Variants in DOCK1 observed in about 807,000 individuals in gnomAD.
The protein encoded by DOCK1 is dedicator of cytokinesis protein 1.
A neutral mutation model predicts 262.7 loss-of-function variants in DOCK1; 138 were observed. The ratio of observed to expected loss-of-function variants is 0.53; its 90% CI spans 0.46 to 0.61. The LOEUF (loss-of-function observed/expected upper bound fraction) is 0.61, where lower values mean the gene tolerates loss of function less well. Ranked by LOEUF, DOCK1 falls within the 20% of genes least tolerant of loss-of-function variation. The probability of loss-of-function intolerance (pLI) is 0.00; values close to 1 mark genes in which losing one functional copy is unlikely to be tolerated. For missense variants in DOCK1, 1,908 were observed against 2,370.7 expected, an observed-to-expected ratio of 0.80 and a Z score of 4.05; for synonymous variants, 866 against 867.4, an observed-to-expected ratio of 1.00 and a Z score of 0.03.
At chr10:126,952,490 A>G (rs945202728) in intron 1 of DOCK1, among the ~76,000 whole-genome samples, 20 of 135,266 alleles carry the variant, frequency 1.5e-4, no homozygotes, top group Non-Finnish European at 6.3e-5. Flanking sequence ...ATTGTTGGTG[A>G]TGTATTATTG....
chr10:127,268,503 CAAAAAA>C (rs56689236), intron 29 of DOCK1, among the ~76,000 whole-genome samples: 22 of 70,154 alleles, frequency 3.1e-4, no homozygotes, highest in East Asian at 2.2e-3. Flanking sequence ...GACTCCACCT[CAAAAAA>C]AAAAAAAAAA....
At chr10:127,021,060 CT>C (rs1188164038) in intron 13 of DOCK1, among the ~76,000 whole-genome samples, 1 of 152,156 alleles carries the variant, frequency 6.6e-6, no homozygotes, top group Non-Finnish European at 1.5e-5. Flanking sequence ...GTTCTGTAAC[CT>C]GGGGAGGCAT....
At chr10:127,253,597 G>A (rs559754632) in intron 28 of DOCK1, among the ~76,000 whole-genome samples, 2 of 152,296 alleles carry the variant, frequency 1.3e-5, no homozygotes, top group Admixed American at 6.5e-5. Context: ...AATGGAGCCA[G>A]GCTCAGTGGC....
intron 29 of DOCK1, among the ~76,000 whole-genome samples, chr10:127,261,266 TGTGTGTGTGCCTGC>T (rs2060085141): frequency 7.2e-6 from 1 of 139,248 alleles, no homozygotes; most frequent in African/African-American, 2.8e-5. Flanking sequence ...CATGTGGGTG[TGTGTGTGTGCCTGC>T]ATGTGTGTGC....
chr10:127,385,718 C>G (rs934473162), intron 38 of DOCK1, among the ~76,000 whole-genome samples: 1 of 152,220 alleles, frequency 6.6e-6, no homozygotes. Context: ...TGGCCGCCCC[C>G]TCTGAAGGCT....
intron 29 of DOCK1, among the ~76,000 whole-genome samples, chr10:127,292,032 A>G (rs2061361653): frequency 6.6e-6 from 1 of 152,110 alleles, no homozygotes; most frequent in Admixed American, 6.6e-5. Flanking sequence ...CGATCCTTGG[A>G]AAGTCTGTGT....
At chr10:127,346,965 G>GCC (rs1217208396) in intron 31 of DOCK1, among the ~76,000 whole-genome samples, 1 of 152,196 alleles carries the variant, frequency 6.6e-6, no homozygotes, top group East Asian at 1.9e-4. Context: ...CCAGGACAAA[G>GCC]CCCCCGGAGC....
intron 1 of DOCK1, among the ~76,000 whole-genome samples, chr10:126,912,120 C>A (rs2134020205): frequency 6.6e-6 from 1 of 152,268 alleles, no homozygotes; most frequent in South Asian, 2.1e-4. Context: ...TCAGTGTCCT[C>A]ATTTCCTCTT....
At chr10:126,989,632 A>C (rs2039657298) in intron 5 of DOCK1, among the ~76,000 whole-genome samples, 2 of 152,220 alleles carry the variant, frequency 1.3e-5, no homozygotes, top group Admixed American at 6.5e-5. Context: ...CAGCATGCTT[A>C]GAGTTTTATC....
chr10:127,257,489 A>G (rs1590153010), intron 29 of DOCK1, 60 bp downstream of exon 29: 2 of 1,479,926 alleles, frequency 1.4e-6, no homozygotes, highest in Non-Finnish European at 1.8e-6. Flanking sequence ...GTCTGCTGGG[A>G]ACAGTGGTGT....
intron 12 of DOCK1, chr10:127,016,529 G>A (rs1353302451): frequency 1.3e-5 from 2 of 152,394 alleles, no homozygotes; most frequent in African/African-American, 2.4e-5. Flanking sequence ...CAGGCTGCTG[G>A]AGAACAGGCC....
At chr10:127,119,872 A>C (rs745895762) in intron 25 of DOCK1, among the ~76,000 whole-genome samples, 52 of 152,364 alleles carry the variant, frequency 3.4e-4, no homozygotes, top group Non-Finnish European at 6.9e-4. Flanking sequence ...CTGCTTGGGC[A>C]TTTATAAGCT....
intron 18 of DOCK1, among the ~76,000 whole-genome samples, chr10:127,033,557 A>C (rs2043387763): frequency 6.6e-6 from 1 of 152,194 alleles, no homozygotes; most frequent in Admixed American, 6.5e-5. Flanking sequence ...CAGAGCTTGA[A>C]AATCCAATTT....
At chr10:127,408,527 C>T (rs1590932251) in intron 40 of DOCK1, among the ~76,000 whole-genome samples, 1 of 152,338 alleles carries the variant, frequency 6.6e-6, no homozygotes, top group Non-Finnish European at 1.5e-5. Flanking sequence ...GGAGTCAGCG[C>T]CCGGCGGCCG....
In DOCK1 at chr10:127,175,012, A is replaced by G. The variant is rs2054947883; in HGVS notation, c.2847+47248A>G. On this transcript the variant is annotated intron_variant, in intron 27 of 51. Transcript: ENST00000623213. The surrounding 1 kb of genome is among the most constrained non-coding windows in gnomAD (Gnocchi z 6.3). Reference sequence around the variant, plus strand: ...GCCAGAAAGATGAACATTAACCAGAAAGCGTATCGTGCAGGATGCAGTGAC... The same window carrying G: ...GCCAGAAAGATGAACATTAACCAGAGAGCGTATCGTGCAGGATGCAGTGAC... Among the ~76,000 whole-genome samples, 1 of 152,200 alleles carries G rather than the reference A, an allele frequency of 6.6e-6. No individual in the cohort carries two copies. Among genetic ancestry groups the G allele is most frequent in the African/African-American group, 2.4e-5 (1 of 41,446 alleles).
At chr10:127,240,992 A>G (rs975120507) in intron 27 of DOCK1, among the ~76,000 whole-genome samples, 1 of 152,202 alleles carries the variant, frequency 6.6e-6, no homozygotes, top group South Asian at 2.1e-4. Flanking sequence ...AGATATGATG[A>G]TCATGAATAT....
intron 2 of DOCK1, among the ~76,000 whole-genome samples, chr10:126,974,282 C>G (rs1220793589): frequency 6.6e-6 from 1 of 152,204 alleles, no homozygotes; most frequent in Non-Finnish European, 1.5e-5. Flanking sequence ...CAGAGGCAAG[C>G]TGCAGGCATT....
At chr10:127,216,430 T>A (rs2134390131) in intron 27 of DOCK1, among the ~76,000 whole-genome samples, 1 of 152,276 alleles carries the variant, frequency 6.6e-6, no homozygotes, top group Non-Finnish European at 1.5e-5. Context: ...TGCCAGCTAT[T>A]GCTGGGAAGA....
intron 12 of DOCK1, among the ~76,000 whole-genome samples, chr10:127,018,359 C>T (rs1439254170): frequency 6.6e-6 from 1 of 152,208 alleles, no homozygotes; most frequent in African/African-American, 2.4e-5. Context: ...TTCTCAGCCA[C>T]CTCCTAGAAA....
Sources: gnomAD v4.1 joint callset for allele counts (sites outside exome capture counted in the v4.1 genomes callset) on GRCh38, gnomAD v4.1.1 for gene constraint, Gnocchi (gnomAD v3.1) non-coding constraint, MANE v1.5 for transcripts, NCBI Gene and HGNC (gene_info 2026-07-23, HGNC 2026-07-21) for gene names.